TMEM45B: variants seen among roughly 807,000 people sequenced by gnomAD.
TMEM45B encodes the protein transmembrane protein 45B.
Under a neutral mutation model 27.3 loss-of-function variants are expected in TMEM45B, and 29 were observed. That is an observed-to-expected ratio of 1.06 (90% CI 0.79 to 1.45). The LOEUF is 1.45. Ranked by LOEUF, TMEM45B falls within the 40% of genes most tolerant of loss-of-function variation. TMEM45B has a pLI of 0.00. For synonymous variants in TMEM45B, 143 were observed against 134.7 expected, an observed-to-expected ratio of 1.06 and a Z score of -0.43; for missense variants, 348 against 343.9, an observed-to-expected ratio of 1.01 and a Z score of -0.09.
intron 1 of TMEM45B, among the ~76,000 whole-genome samples, chr11:129,838,689 T>A (rs774620274): frequency 6.6e-6 from 1 of 152,196 alleles, no homozygotes; most frequent in Non-Finnish European, 1.5e-5. Flanking sequence ...GGGGATCTAT[T>A]ATTTTGTGTC....
chr11:129,826,095 G>A (rs1947474744), intron 1 of TMEM45B, among the ~76,000 whole-genome samples: 1 of 151,878 alleles, frequency 6.6e-6, no homozygotes, highest in East Asian at 1.9e-4. Context: ...TTCTTTGTAG[G>A]TAATAGCCAT....
Position 129,859,553 on chromosome 11 carries a change from C to T in TMEM45B, c.*868C>T, listed in dbSNP as rs940593709. ...GTTCTTTTTTTAAAAAAACTTCCTT[C>T]ACCGCGCCTATAATCCTAGCACTTT... On this transcript the variant is annotated 3_prime_UTR_variant, in exon 6 of 6. Transcript: ENST00000281441. 4 of 152,066 alleles carry T rather than the reference C, an allele frequency of 2.6e-5. No homozygotes were observed. Among genetic ancestry groups the T allele is most frequent in the Non-Finnish European group, 5.9e-5 (4 of 68,000 alleles). 9.4% of individuals were successfully genotyped at this position (152,066 alleles called of 1,614,324 possible).
chr11:129,839,217 G>C (rs1169042612), intron 1 of TMEM45B, among the ~76,000 whole-genome samples: 1 of 152,186 alleles, frequency 6.6e-6, no homozygotes, highest in African/African-American at 2.4e-5. Flanking sequence ...CAGTCTTCTT[G>C]GTGGCCAGCT....
intron 1 of TMEM45B, among the ~76,000 whole-genome samples, chr11:129,831,708 A>G (rs1947548724): frequency 6.6e-6 from 1 of 152,224 alleles, no homozygotes; most frequent in African/African-American, 2.4e-5. Context: ...TCAAACGTCC[A>G]TCTACTAACA....
rs553428926 is a variant in TMEM45B at position 129,828,386 on chromosome 11, C to A, written c.-9+12488C>A. On this transcript the variant is annotated intron_variant, in intron 1 of 5. Transcript: ENST00000281441. The stretch of plus-strand genomic sequence containing the variant: ...CAAGAACCTCCCACACAGGAAATAA[C>A]AATGATGGCAGTAGCTGTCAAATTC... 3 of 152,334 alleles carry A rather than the reference C, an allele frequency of 2.0e-5. No homozygotes were observed. In the South Asian group the frequency reaches 6.2e-4, roughly 32 times the overall value. The allele number at this position is 152,334 out of a possible 1,614,324, so 9.4% of individuals were successfully genotyped here. A position where few individuals can be genotyped will look rare whatever the true frequency, so the allele number is the denominator to read the frequency against.
At chr11:129,820,049 C>T (rs1032147433) in intron 1 of TMEM45B, among the ~76,000 whole-genome samples, 2 of 152,028 alleles carry the variant, frequency 1.3e-5, no homozygotes, top group Admixed American at 1.3e-4. Flanking sequence ...CACAGTGGCT[C>T]ACGCCTGTAA....
At chr11:129,829,779 G>A (rs1947526589) in intron 1 of TMEM45B, among the ~76,000 whole-genome samples, 1 of 152,116 alleles carries the variant, frequency 6.6e-6, no homozygotes, top group Non-Finnish European at 1.5e-5. Flanking sequence ...GTATACTCTA[G>A]TAAAGTATTT....
At chr11:129,822,646 A>G (rs1565362126) in intron 1 of TMEM45B, among the ~76,000 whole-genome samples, 1 of 152,116 alleles carries the variant, frequency 6.6e-6, no homozygotes, top group Non-Finnish European at 1.5e-5. Context: ...GGACAGGTGG[A>G]GGTCTAGGAT....
Position 129,852,471 on chromosome 11 carries a change from T to G in TMEM45B, c.-8-4T>G. 3 of 1,581,432 alleles carry G rather than the reference T, an allele frequency of 1.9e-6. No individual in the cohort carries two copies. Among genetic ancestry groups the G allele is most frequent in the Non-Finnish European group, 2.6e-6 (3 of 1,155,302 alleles). ...CACCTAACAGCCTTCCCCTAATTTT[T>G]TAGGTGTCCTGATGGCAAATTTCAA... On this transcript the variant is annotated splice_region_variant and splice_polypyrimidine_tract_variant and intron_variant, in intron 1 of 5. Coordinates refer to ENST00000281441, the MANE Select transcript of TMEM45B (RefSeq NM_138788.5).
Position 129,858,718 on chromosome 11 carries a change from C to A in TMEM45B, c.*33C>A. The A allele has an allele frequency of 6.8e-7, 1 of 1,472,626 alleles. No individual in the cohort carries two copies. Among genetic ancestry groups the A allele is most frequent in the Non-Finnish European group, 9.3e-7 (1 of 1,076,938 alleles). The allele number at this position is 1,472,626 out of a possible 1,614,324, so 91.2% of individuals were successfully genotyped here. A position where few individuals can be genotyped will look rare whatever the true frequency, so the allele number is the denominator to read the frequency against. ...TGCGGAGGGCGCAGATGTCCCACTG[C>A]ACAGCTGGAATGAATGGAGTTCATC... On this transcript the variant is annotated 3_prime_UTR_variant, in exon 6 of 6. Transcript: ENST00000281441.
chr11:129,835,986 C>G (rs1343467391), intron 1 of TMEM45B, among the ~76,000 whole-genome samples: 2 of 152,106 alleles, frequency 1.3e-5, no homozygotes, highest in African/African-American at 4.8e-5. Flanking sequence ...TGCATGGTGG[C>G]TCATGCCTGT....
At position 129,855,728 on chromosome 11, in the gene TMEM45B, G is replaced by A. The variant is rs371815772; in HGVS notation, c.406G>A (p.Val136Ile). ...GGCAGGTTTCCTCTTCTACTACCAC[G>A]TCCACAACCGGCCTCCGCTGGACCA... ...FMEGFLFYYH[V>I]HNRPPLDQHI... The change falls in exon 4 of 6, where the codon GTC becomes ATC. Residue 136 changes from valine (V) to isoleucine (I), a missense_variant. Val to Ile is a conservative substitution (Grantham distance 29, BLOSUM62 3). Transcript: ENST00000281441. 1.8e-5 allele frequency: 29 copies of A among 1,613,934 alleles called. No homozygotes were observed. Among genetic ancestry groups the A allele is most frequent in the East Asian group, 6.7e-5 (3 of 44,880 alleles).
chr11:129,817,426 G>A (rs1321339401), intron 1 of TMEM45B, among the ~76,000 whole-genome samples: 1 of 152,158 alleles, frequency 6.6e-6, no homozygotes, highest in Non-Finnish European at 1.5e-5. Flanking sequence ...AAAAGATATG[G>A]AACTGATATG....
intron 1 of TMEM45B, among the ~76,000 whole-genome samples, chr11:129,826,356 T>C (rs1222953960): frequency 6.6e-6 from 1 of 151,826 alleles, no homozygotes; most frequent in Non-Finnish European, 1.5e-5. Context: ...GAGACCATCC[T>C]GGCTAACACA....
At chr11:129,850,165 A>ATGTTGTTGTTGT (rs55956143) in intron 1 of TMEM45B, among the ~76,000 whole-genome samples, 3 of 138,870 alleles carry the variant, frequency 2.2e-5, no homozygotes, top group Non-Finnish European at 3.1e-5. Flanking sequence ...TTTTTTGTTG[A>ATGTTGTTGTTGT]TGTTGTTGTT....
intron 5 of TMEM45B, 152 bp downstream of exon 5, chr11:129,857,610 A>G: frequency 1.2e-6 from 1 of 827,896 alleles, no homozygotes; most frequent in Non-Finnish European, 1.9e-6. Flanking sequence ...ATTTGCAAAC[A>G]AGGGGAATGA....
chr11:129,826,801 G>T (rs1947490100), intron 1 of TMEM45B, among the ~76,000 whole-genome samples: 1 of 150,074 alleles, frequency 6.7e-6, no homozygotes, highest in African/African-American at 2.4e-5. Context: ...TCCACCTCCT[G>T]GGTTCACGCC....
chr11:129,852,367 A>C, intron 1 of TMEM45B, 108 bp from the exon 2 acceptor site: 1 of 956,292 alleles, frequency 1.0e-6, no homozygotes, highest in Non-Finnish European at 1.6e-6. Context: ...ATCCTTCTTA[A>C]CGTGGCTTAT....
chr11:129,849,748 G>T (rs968827181), intron 1 of TMEM45B, among the ~76,000 whole-genome samples: 1 of 152,206 alleles, frequency 6.6e-6, no homozygotes, highest in Non-Finnish European at 1.5e-5. Flanking sequence ...TGCTGGAAAT[G>T]TGGGGAGCAG....
Sources: gnomAD v4.1 joint callset for allele counts (sites outside exome capture counted in the v4.1 genomes callset) on GRCh38, gnomAD v4.1.1 for gene constraint, MANE v1.5 for transcripts, NCBI Gene and HGNC (gene_info 2026-07-23, HGNC 2026-07-21) for gene names.